The following MIA2 variants were observed in gnomAD, a reference collection of about 807,000 sequenced individuals.
MIA2 encodes the protein melanoma inhibitory activity protein 2.
Under a neutral mutation model 167.8 loss-of-function variants are expected in MIA2, and 127 were observed. That is an observed-to-expected ratio of 0.76 (90% CI 0.66 to 0.88). MIA2 has a LOEUF of 0.88. Ranked by LOEUF, MIA2 falls within the 40% of genes least tolerant of loss-of-function variation. The pLI is 0.00. For missense variants in MIA2, 1,690 were observed against 1,624.7 expected, an observed-to-expected ratio of 1.04 and a Z score of -0.69; for synonymous variants, 552 against 541.9, an observed-to-expected ratio of 1.02 and a Z score of -0.26.
intron 6 of MIA2, chr14:39,265,516 A>T (rs2055459623): frequency 1.1e-6 from 1 of 917,060 alleles, no homozygotes; most frequent in Non-Finnish European, 1.7e-6. Context: ...TATGGGGGGA[A>T]CTTGGATTTT....
At chr14:39,385,095 C>T (rs1029660316) in intron 23 of MIA2, among the ~76,000 whole-genome samples, 5 of 152,112 alleles carry the variant, frequency 3.3e-5, no homozygotes, top group African/African-American at 7.2e-5. Context: ...CTCCTACTGA[C>T]GACTGCTACT....
At chr14:39,312,275 T>C (rs1005941996) in intron 18 of MIA2, among the ~76,000 whole-genome samples, 4 of 151,414 alleles carry the variant, frequency 2.6e-5, no homozygotes, top group African/African-American at 9.7e-5. Context: ...CTATCTTCAG[T>C]CTACACAGTC....
chr14:39,319,220 CAG>C lies in MIA2; in HGVS notation c.3299_3300del (p.Glu1100AlafsTer2). On this transcript the variant is annotated frameshift_variant, in exon 23 of 29. Coordinates refer to ENST00000640607, the MANE Select transcript of MIA2 (RefSeq NM_001329214.4). LOFTEE classifies it high-confidence loss of function. ...TTCTTTATTTGCAGATTAACTGAAA[CAG>C]AGCTTAAATTTGAACTTTTAGAAAA... 1 of 1,564,174 alleles carries C rather than the reference CAG, an allele frequency of 6.4e-7. No individual in the cohort carries two copies. The highest frequency in any genetic ancestry group is 8.7e-7 in the Non-Finnish European group (1 of 1,150,194).
chr14:39,290,254 T>C (rs1566759092), intron 9 of MIA2, among the ~76,000 whole-genome samples: 1 of 152,186 alleles, frequency 6.6e-6, no homozygotes, highest in Non-Finnish European at 1.5e-5. Context: ...TAGACTTGCC[T>C]TTCTGGGGAT....
chr14:39,345,748 T>C (rs981985324), intron 25 of MIA2, among the ~76,000 whole-genome samples, 156 bp from the exon 26 acceptor site: 1 of 152,226 alleles, frequency 6.6e-6, no homozygotes, highest in African/African-American at 2.4e-5. Context: ...TAGTAAAATA[T>C]GCAATTCTTC....
At chr14:39,381,667 G>GTTTTT (rs398057014) in intron 23 of MIA2, among the ~76,000 whole-genome samples, 6 of 145,346 alleles carry the variant, frequency 4.1e-5, no homozygotes, top group Admixed American at 2.1e-4. Context: ...TTTGCTGGCT[G>GTTTTT]TTTTTTTTTT....
At chr14:39,369,704 G>T (rs2074896738) in intron 23 of MIA2, among the ~76,000 whole-genome samples, 1 of 152,118 alleles carries the variant, frequency 6.6e-6, no homozygotes, top group East Asian at 1.9e-4. Flanking sequence ...CTCAGGAGGT[G>T]GGCAGATGAT....
intron 18 of MIA2, among the ~76,000 whole-genome samples, chr14:39,310,202 A>G (rs142206981): frequency 3.3e-4 from 50 of 152,272 alleles, no homozygotes; most frequent in African/African-American, 1.2e-3. Flanking sequence ...AAACAAGGTG[A>G]CACTCTGCTT....
Position 39,345,378 on chromosome 14 carries a change from C to T in MIA2, c.3656-526C>T, listed in dbSNP as rs566442634. ...TGTGAGCCACCATACCCGTCTCTTT[C>T]CATTTGGTTTGGAATAGATACTAAA... On this transcript the variant is annotated intron_variant, in intron 25 of 28. Transcript: ENST00000640607. Among the ~76,000 whole-genome samples, 3 of 152,198 alleles carry T rather than the reference C, an allele frequency of 2.0e-5. No individual in the cohort carries two copies. In the East Asian group the frequency reaches 5.8e-4, roughly 29 times the overall value.
intron 6 of MIA2, among the ~76,000 whole-genome samples, chr14:39,262,190 G>T (rs1350624147): frequency 6.6e-6 from 1 of 152,194 alleles, no homozygotes; most frequent in Non-Finnish European, 1.5e-5. Context: ...AAGGGATCCA[G>T]TTTCAGCTTT....
intron 15 of MIA2, 99 bp downstream of exon 15, chr14:39,302,348 C>G: frequency 7.4e-7 from 1 of 1,359,422 alleles, no homozygotes; most frequent in Non-Finnish European, 1.0e-6. Context: ...TATGCTTTTA[C>G]TTTGGCACAT....
chr14:39,286,005 C>T (rs555004165), intron 9 of MIA2, among the ~76,000 whole-genome samples: 27 of 152,284 alleles, frequency 1.8e-4, no homozygotes, highest in Admixed American at 3.9e-4. Context: ...AGACGATGGG[C>T]GGCCAGGCAG....
chr14:39,311,137 C>T (rs2064163745), intron 18 of MIA2, among the ~76,000 whole-genome samples: 1 of 152,012 alleles, frequency 6.6e-6, no homozygotes, highest in South Asian at 2.1e-4. Context: ...CTGAGTAGTA[C>T]CCTAGTTGTG....
At position 39,386,309 on chromosome 14, in the gene MIA2, G is replaced by T; in HGVS notation, c.2249-576G>T. 13 of 1,486,698 alleles carry T rather than the reference G, an allele frequency of 8.7e-6. No individual in the cohort carries two copies. In the South Asian group the frequency reaches 1.5e-4, roughly 17 times the overall value. 92.1% of individuals were successfully genotyped at this position (1,486,698 alleles called of 1,614,324 possible). ...GGAATTTCTGGCCTCCAAAGTGACT[G>T]TGCTGGGACCATCACTGATAGCTTC... On this transcript the variant is annotated intron_variant, in intron 23 of 23. Coordinates refer to the MIA2 transcript ENST00000341502.
At chr14:39,269,586 C>T (rs2056760383) in intron 6 of MIA2, among the ~76,000 whole-genome samples, 1 of 150,714 alleles carries the variant, frequency 6.6e-6, no homozygotes, top group Non-Finnish European at 1.5e-5. Flanking sequence ...GTGGCTTGAT[C>T]TCAGCTCACT....
chr14:39,266,695 C>T, intron 6 of MIA2: 1 of 985,612 alleles, frequency 1.0e-6, no homozygotes, highest in Non-Finnish European at 1.2e-6. Flanking sequence ...GGAATGACGG[C>T]GGCGGCTGGC....
intron 9 of MIA2, among the ~76,000 whole-genome samples, chr14:39,283,039 A>G (rs1256581066): frequency 6.6e-6 from 1 of 152,220 alleles, no homozygotes; most frequent in Non-Finnish European, 1.5e-5. Flanking sequence ...AATGTCTTCT[A>G]GGTCCGTCCA....
intron 23 of MIA2, chr14:39,386,832 G>C: frequency 1.1e-6 from 1 of 923,852 alleles, no homozygotes; most frequent in Non-Finnish European, 1.8e-6. Flanking sequence ...AGAATTCTCA[G>C]CAACTCGTCT....
At position 39,314,804 on chromosome 14, in the gene MIA2, A is replaced by ATGTGTG. The variant is rs775505742; in HGVS notation, c.3180+6_3180+7insGTGTGT. 58 of 1,215,980 alleles carry ATGTGTG rather than the reference A, an allele frequency of 4.8e-5. 1 individual carries two copies. The African/African-American group carries it at 6.3e-4, about 13-fold the overall frequency. The allele number at this position is 1,215,980 out of a possible 1,614,324, so 75.3% of individuals were successfully genotyped here. A position where few individuals can be genotyped will look rare whatever the true frequency, so the allele number is the denominator to read the frequency against. On this transcript the variant is annotated splice_donor_region_variant and intron_variant, in intron 20 of 28. Coordinates refer to ENST00000640607, the MANE Select transcript of MIA2 (RefSeq NM_001329214.4). ...ATTCATTCTTATCAAGGGCAGGTAT[A>ATGTGTG]TATATATGTGTGTGTGTGTGTGTGT...
Sources: allele counts gnomAD v4.1 joint callset (sites outside exome capture counted in the v4.1 genomes callset), GRCh38; gene constraint gnomAD v4.1.1; transcripts MANE v1.5; gene names NCBI Gene and HGNC (gene_info 2026-07-23, HGNC 2026-07-21).